DCLK1: variants seen among roughly 807,000 people sequenced by gnomAD.
DCLK1 encodes serine/threonine-protein kinase DCLK1.
Under a neutral mutation model 86.2 loss-of-function variants are expected in DCLK1, and 16 were observed. The observed-to-expected ratio is 0.19, with a 90% CI of 0.13 to 0.28. DCLK1 has a LOEUF of 0.28. Among genes scored for constraint, DCLK1 ranks in the 10% least tolerant of loss-of-function variants. The pLI, the probability that DCLK1 is intolerant of heterozygous loss-of-function variation, is 1.00. For missense variants in DCLK1, 590 were observed against 940.2 expected, an observed-to-expected ratio of 0.63 and a Z score of 4.87; for synonymous variants, 369 against 370.5, an observed-to-expected ratio of 1.00 and a Z score of 0.05.
At chr13:36,122,882 A>G (rs142976205) in intron 2 of DCLK1, among the ~76,000 whole-genome samples, 2 of 152,324 alleles carry the variant, frequency 1.3e-5, no homozygotes, top group East Asian at 3.9e-4. Flanking sequence ...TGGCTCAGCT[A>G]AATACATACA....
chr13:35,809,912 A>G (rs925725768), intron 12 of DCLK1, among the ~76,000 whole-genome samples: 7 of 152,202 alleles, frequency 4.6e-5, no homozygotes, highest in Admixed American at 4.6e-4. Flanking sequence ...AAAACCTCGA[A>G]AAACTATCTC....
intron 3 of DCLK1, among the ~76,000 whole-genome samples, chr13:36,058,266 C>T (rs1883408848): frequency 2.0e-5 from 3 of 152,126 alleles, no homozygotes; most frequent in African/African-American, 7.2e-5. Context: ...ACACTGGCCA[C>T]AAGCGTCCAA....
At chr13:35,847,216 T>C (rs1870247309) in intron 6 of DCLK1, 2 of 984,702 alleles carry the variant, frequency 2.0e-6, no homozygotes, top group Non-Finnish European at 2.4e-6. Flanking sequence ...TTTTTATAAA[T>C]CAGTATATCT....
rs74784892 is a variant in DCLK1, at chr13:35,986,935, C to G, written c.724-39478G>C. Among the ~76,000 whole-genome samples, 206 of 152,342 alleles carry G rather than the reference C, an allele frequency of 1.4e-3. 4 individuals are homozygous for G. The East Asian group carries it at 0.039, about 29-fold the overall frequency. ...GATGGTGAGGAGGAAAGTTTCCTCACTGCAAGAAAGCCTGGACGATCATGT... is the reference window on the plus strand; with the variant it reads ...GATGGTGAGGAGGAAAGTTTCCTCAGTGCAAGAAAGCCTGGACGATCATGT... On this transcript the variant is annotated intron_variant, in intron 3 of 16. Transcript: ENST00000360631.
At chr13:35,955,403 C>T (rs1166954968) in intron 3 of DCLK1, among the ~76,000 whole-genome samples, 2 of 152,094 alleles carry the variant, frequency 1.3e-5, no homozygotes, top group African/African-American at 2.4e-5. Flanking sequence ...TTTAGCCTCA[C>T]GAGGTAGAAG....
intron 3 of DCLK1, among the ~76,000 whole-genome samples, chr13:36,100,179 CAAAAAAAAAAAAAAAAA>C (rs58824322): frequency 1.3e-4 from 5 of 37,686 alleles, no homozygotes; most frequent in African/African-American, 2.2e-4. Context: ...CCTGTCTCTA[CAAAAAAAAAAAAAAAAA>C]AAAAAAAAAA....
chr13:36,001,812 C>T (rs1320847888), intron 3 of DCLK1, among the ~76,000 whole-genome samples: 5 of 152,010 alleles, frequency 3.3e-5, no homozygotes, highest in African/African-American at 4.8e-5. Flanking sequence ...TCAGAACCCA[C>T]GGCCTGGATC....
At chr13:35,995,221 C>A (rs577135618) in intron 3 of DCLK1, among the ~76,000 whole-genome samples, 160 of 152,290 alleles carry the variant, frequency 1.1e-3, no homozygotes, top group African/African-American at 3.8e-3. Context: ...TACCAATATT[C>A]CCTCATCTTT....
chr13:36,045,821 C>G (rs1882893303), intron 3 of DCLK1, among the ~76,000 whole-genome samples: 1 of 151,642 alleles, frequency 6.6e-6, no homozygotes, highest in African/African-American at 2.4e-5. Flanking sequence ...CCACTGTACC[C>G]CAGCCTCAGA....
At chr13:35,916,143 T>C (rs899699013) in intron 4 of DCLK1, among the ~76,000 whole-genome samples, 7 of 152,140 alleles carry the variant, frequency 4.6e-5, no homozygotes, top group African/African-American at 1.7e-4. Context: ...ATTTCCAAGA[T>C]GCCAGGGAGC....
At chr13:36,110,815 T>C (rs1047421160) in intron 3 of DCLK1, among the ~76,000 whole-genome samples, 1 of 150,450 alleles carries the variant, frequency 6.6e-6, no homozygotes, top group Admixed American at 6.7e-5. Flanking sequence ...AATCATGCTG[T>C]ACATATAATC....
intron 3 of DCLK1, among the ~76,000 whole-genome samples, chr13:36,074,456 G>A (rs1179768991): frequency 1.7e-5 from 2 of 116,058 alleles, no homozygotes; most frequent in Admixed American, 1.2e-4. Context: ...GGGCGACAGC[G>A]AGACTCCGTC....
rs1566658657 is a variant in DCLK1, at chr13:36,045,336, A to ATC, written c.723+66532_723+66533insGA. Among the ~76,000 whole-genome samples the ATC allele has an allele frequency of 3.8e-5, 2 of 52,050 alleles. 1 individual carries two copies. Among genetic ancestry groups the ATC allele is most frequent in the East Asian group, 1.2e-3 (2 of 1,720 alleles). The allele number at this position is 52,050 out of a possible 152,430, so 34.1% of individuals were successfully genotyped here. A position where few individuals can be genotyped will look rare whatever the true frequency, so the allele number is the denominator to read the frequency against. ...TCTATATATGTGTGTGTGTGTGTATATATATATATATATATATATATATAT... is the reference window on the plus strand; with the variant it reads ...TCTATATATGTGTGTGTGTGTGTATATCTATATATATATATATATATATATAT... On this transcript the variant is annotated intron_variant, in intron 3 of 16. Coordinates refer to ENST00000360631, the MANE Select transcript of DCLK1 (RefSeq NM_001330071.2).
chr13:35,835,945 G>A (rs1164097236), intron 8 of DCLK1, 88 bp downstream of exon 8: 3 of 1,003,112 alleles, frequency 3.0e-6, no homozygotes, highest in Non-Finnish European at 4.5e-6. Context: ...TTCCATATGT[G>A]CCACAGACTG....
At chr13:35,877,730 G>T (rs995264596) in intron 4 of DCLK1, among the ~76,000 whole-genome samples, 9 of 152,160 alleles carry the variant, frequency 5.9e-5, no homozygotes, top group African/African-American at 2.2e-4. Context: ...GATGCTTTGT[G>T]CTTTCTACCA....
chr13:36,004,836 C>T (rs1010452089), intron 3 of DCLK1, among the ~76,000 whole-genome samples: 2 of 152,178 alleles, frequency 1.3e-5, no homozygotes, highest in African/African-American at 4.8e-5. Flanking sequence ...CCTCGGCCTC[C>T]CAAAGTGCTG....
chr13:36,095,176 T>TG (rs1566679169), intron 3 of DCLK1, among the ~76,000 whole-genome samples: 3 of 136,526 alleles, frequency 2.2e-5, no homozygotes, highest in African/African-American at 9.3e-5. Context: ...TCTCTTTGTT[T>TG]TTTTTTTTTG....
chr13:35,971,216 A>C (rs761596221), intron 3 of DCLK1, among the ~76,000 whole-genome samples: 20 of 152,134 alleles, frequency 1.3e-4, no homozygotes, highest in Non-Finnish European at 2.2e-4. Flanking sequence ...TTCTTGAATA[A>C]TTTTTGCCAA....
chr13:36,079,984 T>C (rs1475820643), intron 3 of DCLK1, among the ~76,000 whole-genome samples: 1 of 152,228 alleles, frequency 6.6e-6, no homozygotes, highest in Admixed American at 6.5e-5. Flanking sequence ...ATCTGGGCAG[T>C]GGCCTTTGAT....
Sources: gnomAD v4.1 joint callset for allele counts (sites outside exome capture counted in the v4.1 genomes callset) on GRCh38, gnomAD v4.1.1 for gene constraint, MANE v1.5 for transcripts, NCBI Gene and HGNC (gene_info 2026-07-23, HGNC 2026-07-21) for gene names.